PCBP3: variants seen among roughly 807,000 people sequenced by gnomAD.
PCBP3 encodes poly(rC) binding protein 3, also known as poly(rC)-binding protein 3.
In PCBP3, 25 loss-of-function variants were observed where a neutral mutation model predicts 52.7. The observed-to-expected ratio is 0.47, with a 90% confidence interval of 0.35 to 0.66. The LOEUF is 0.66. Ranked by LOEUF, PCBP3 falls within the 30% of genes least tolerant of loss-of-function variation. The probability of loss-of-function intolerance (pLI) is 0.01; values close to 1 mark genes in which losing one functional copy is unlikely to be tolerated. For missense variants in PCBP3, 391 were observed against 490.3 expected, an observed-to-expected ratio of 0.80 and a Z score of 1.91; for synonymous variants, 162 against 183.0, an observed-to-expected ratio of 0.89 and a Z score of 0.93.
chr21:45,902,986 C>A (rs1158986774), intron 9 of PCBP3, among the ~76,000 whole-genome samples: 1 of 152,216 alleles, frequency 6.6e-6, no homozygotes, highest in Non-Finnish European at 1.5e-5. Flanking sequence ...CAAATAATCA[C>A]AGGTGGCCTC....
At chr21:45,750,741 C>G (rs2087394933) in intron 3 of PCBP3, 1 of 152,106 alleles carries the variant, frequency 6.6e-6, no homozygotes, top group Non-Finnish European at 1.5e-5. Context: ...GAAAATGTTA[C>G]CAAGGAACAA....
intron 4 of PCBP3, among the ~76,000 whole-genome samples, chr21:45,782,700 A>G (rs2090732455): frequency 6.6e-6 from 1 of 152,270 alleles, no homozygotes; most frequent in African/African-American, 2.4e-5. Flanking sequence ...CCCTGAAATG[A>G]ACAAATTAAA....
chr21:45,796,051 G>A (rs745678207), intron 4 of PCBP3, among the ~76,000 whole-genome samples: 42 of 152,184 alleles, frequency 2.8e-4, no homozygotes, highest in Non-Finnish European at 6.0e-4. Flanking sequence ...GAGAGTGATT[G>A]AAAACGCCAG....
chr21:45,657,076 C>T (rs926905053), intron 1 of PCBP3, among the ~76,000 whole-genome samples: 21 of 152,214 alleles, frequency 1.4e-4, no homozygotes, highest in Admixed American at 2.0e-4. Flanking sequence ...CTGCCTCGGC[C>T]TCCCAAAGTG....
intron 4 of PCBP3, among the ~76,000 whole-genome samples, chr21:45,786,971 C>G (rs1002861603): frequency 6.6e-6 from 1 of 152,174 alleles, no homozygotes; most frequent in African/African-American, 2.4e-5. Context: ...GGAAAGGGCC[C>G]GTGCTGCAAC....
chr21:45,764,115 T>G lies in PCBP3; in HGVS notation c.-126+8663T>G, dbSNP rs1231080036. Among the ~76,000 whole-genome samples the G allele has an allele frequency of 2.0e-5, 3 of 147,838 alleles. No individual in the cohort carries two copies. In the East Asian group the frequency reaches 5.8e-4, roughly 29 times the overall value. On this transcript the variant is annotated intron_variant, in intron 4 of 17. Coordinates refer to ENST00000681687, the MANE Select transcript of PCBP3 (RefSeq NM_001384156.1). ...AATACAAAGTTTCTCATTCTTTTTT[T>G]TTTCTTTTTTTTTTTTTTGTTTTTG... is the stretch of plus-strand genomic sequence containing the variant.
intron 2 of PCBP3, among the ~76,000 whole-genome samples, chr21:45,711,160 G>A (rs1245423042): frequency 6.6e-6 from 1 of 152,140 alleles, no homozygotes; most frequent in African/African-American, 2.4e-5. Flanking sequence ...CAATATCTAG[G>A]TGCTGAATGT....
chr21:45,786,129 T>TAAAAAAA (rs57864348), intron 4 of PCBP3, among the ~76,000 whole-genome samples: 1 of 111,530 alleles, frequency 9.0e-6, no homozygotes, highest in African/African-American at 3.9e-5. Flanking sequence ...GAATGATCAA[T>TAAAAAAA]AAAAAAATAA....
rs758312129 is a variant in PCBP3 at position 45,837,425 on chromosome 21, C to T, written c.-125-12536C>T. Among the ~76,000 whole-genome samples the T allele has an allele frequency of 3.3e-5, 5 of 152,256 alleles. No homozygotes were observed. Among genetic ancestry groups the T allele is most frequent in the Non-Finnish European group, 4.4e-5 (3 of 68,050 alleles). On this transcript the variant is annotated intron_variant, in intron 4 of 17. Transcript: ENST00000681687. The surrounding 1 kb of genome is among the most constrained non-coding windows in gnomAD (Gnocchi z 4.1). ...CTGCAGAGCTCCCAGGATGCTGGCT[C>T]TTGGAGCCTAGGGATGGCGCTGTGA...
At chr21:45,778,723 A>G (rs1423134218) in intron 4 of PCBP3, among the ~76,000 whole-genome samples, 2 of 152,176 alleles carry the variant, frequency 1.3e-5, no homozygotes, top group Admixed American at 6.5e-5. Flanking sequence ...ACCCTGGGCT[A>G]CATGCTCTGT....
rs542123260 is a variant in PCBP3 at position 45,687,168 on chromosome 21, A to T, written c.-200+18216A>T. ...TCTCATCAGCAATTAGCCAAAAAAG[A>T]AAAAAACAGTGGACCCACAACTTTA... On this transcript the variant is annotated intron_variant, in intron 2 of 17. Coordinates refer to ENST00000681687, the MANE Select transcript of PCBP3 (RefSeq NM_001384156.1). Among the ~76,000 whole-genome samples, 3 of 152,288 alleles carry T rather than the reference A, an allele frequency of 2.0e-5. No individual in the cohort carries two copies. The South Asian group carries it at 6.2e-4, about 32-fold the overall frequency.
intron 4 of PCBP3, among the ~76,000 whole-genome samples, chr21:45,816,484 CTCCTCCT>C (rs2092962808): frequency 1.6e-5 from 1 of 62,982 alleles, no homozygotes; most frequent in Non-Finnish European, 3.3e-5. Context: ...CCTCCTCCCC[CTCCTCCT>C]CCCCTTCCCC....
Position 45,830,692 on chromosome 21 carries a change from G to T in PCBP3, c.-125-19269G>T. ...CCACCCCTTCCCCACTGCCTGGGTT[G>T]GTGAAATGGTAGAAGCTCTTCTCTA... On this transcript the variant is annotated intron_variant, in intron 4 of 17. Transcript: ENST00000681687. This position sits in a 1 kb window ranked among gnomAD's most constrained non-coding sequence, Gnocchi z 4.4. 1 of 152,208 alleles carries T rather than the reference G, an allele frequency of 6.6e-6. No homozygotes were observed. The highest frequency in any genetic ancestry group is 1.9e-4 in the East Asian group (1 of 5,192). 9.4% of individuals were successfully genotyped at this position (152,208 alleles called of 1,614,324 possible). A position where few individuals can be genotyped will look rare whatever the true frequency, so the allele number is the denominator to read the frequency against.
intron 7 of PCBP3, 118 bp downstream of exon 7, chr21:45,899,740 G>A: frequency 1.4e-6 from 1 of 738,358 alleles, no homozygotes; most frequent in South Asian, 1.6e-5. Flanking sequence ...GTTGGTGGGT[G>A]GTCTGTGTTC....
At chr21:45,814,660 GT>G (rs2092797256) in intron 4 of PCBP3, among the ~76,000 whole-genome samples, 1 of 132,898 alleles carries the variant, frequency 7.5e-6, no homozygotes, top group African/African-American at 3.0e-5. Flanking sequence ...TGAGTGAGTG[GT>G]GAGTGATGAG....
chr21:45,797,710 A>AGG (rs2092026910), intron 4 of PCBP3, among the ~76,000 whole-genome samples: 4 of 88,934 alleles, frequency 4.5e-5, no homozygotes, highest in East Asian at 5.1e-4. Context: ...GGATCCACAG[A>AGG]GAGTGAATGC....
At chr21:45,877,088 TACA>T (rs2095279010) in intron 5 of PCBP3, among the ~76,000 whole-genome samples, 1 of 152,262 alleles carries the variant, frequency 6.6e-6, no homozygotes, top group Non-Finnish European at 1.5e-5. Flanking sequence ...AAACAAGCCT[TACA>T]ACTTGGGCCT....
intron 13 of PCBP3, among the ~76,000 whole-genome samples, chr21:45,925,815 A>G (rs1465426413): frequency 1.3e-5 from 2 of 152,250 alleles, no homozygotes; most frequent in African/African-American, 2.4e-5. Flanking sequence ...TTTAAAATAT[A>G]TTTTAAAAAT....
At chr21:45,806,355 G>A (rs1461535059) in intron 4 of PCBP3, among the ~76,000 whole-genome samples, 3 of 151,262 alleles carry the variant, frequency 2.0e-5, no homozygotes, top group African/African-American at 7.4e-5. Flanking sequence ...GAGGCCAGGA[G>A]ACGTGTTCTT....
Sources: allele counts gnomAD v4.1 joint callset (sites outside exome capture counted in the v4.1 genomes callset), GRCh38; gene constraint gnomAD v4.1.1; non-coding constraint Gnocchi (gnomAD v3.1); transcripts MANE v1.5; gene names NCBI Gene and HGNC (gene_info 2026-07-23, HGNC 2026-07-21).